DYRK1B: variants seen among roughly 807,000 people sequenced by gnomAD.
DYRK1B encodes dual specificity tyrosine-phosphorylation-regulated kinase 1B.
DYRK1B carries 20 observed loss-of-function variants against 57.1 expected under a neutral mutation model. That is an observed-to-expected ratio of 0.35 (90% CI 0.25 to 0.51). The LOEUF is 0.51. DYRK1B is among the 20% of genes least tolerant of loss of function. The pLI is 0.96. For synonymous variants in DYRK1B, 409 were observed against 384.7 expected (o/e 1.06, Z -0.74); for missense variants, 732 against 886.3 (o/e 0.83, Z 2.21).
rs187535043 is a variant in DYRK1B at position 39,831,961 on chromosome 19, G to A, written c.-94C>T. 3.2e-5 allele frequency: 45 copies of A among 1,427,784 alleles called. No individual in the cohort carries two copies. The East Asian group carries it at 1.0e-3, about 33-fold the overall frequency. 88.4% of individuals were successfully genotyped at this position (1,427,784 alleles called of 1,614,324 possible). On this transcript the variant is annotated 5_prime_UTR_variant, in exon 2 of 11. Transcript: ENST00000323039. ...ATCCTGCACCTCGGCTGCCACCGCC[G>A]CTGAGACCTGAGAGCAGACAGGAAG... is the stretch of plus-strand genomic sequence containing the variant.
chr19:39,825,493 A>T lies in DYRK1B; in HGVS notation c.*222T>A. The T allele has an allele frequency of 1.8e-6, 1 of 570,272 alleles. No individual in the cohort carries two copies. The highest frequency in any genetic ancestry group is 3.1e-6 in the Non-Finnish European group (1 of 322,410). 35.3% of individuals were successfully genotyped at this position (570,272 alleles called of 1,614,324 possible). On this transcript the variant is annotated 3_prime_UTR_variant, in exon 11 of 11. Coordinates refer to ENST00000323039, the MANE Select transcript of DYRK1B (RefSeq NM_004714.3). ...CACTGTCTTTGGTACAATAAATAGA[A>T]AAAAAGGGGGAGAGGGGCCCAAGGG...
rs1368590335 is a variant in DYRK1B, at chr19:39,828,974, T to C, written c.521-391A>G. On this transcript the variant is annotated intron_variant, in intron 5 of 10. Coordinates refer to ENST00000323039, the MANE Select transcript of DYRK1B (RefSeq NM_004714.3). This position sits in a 1 kb window ranked among gnomAD's most constrained non-coding sequence, Gnocchi z 4.3. The stretch of plus-strand genomic sequence containing the variant: ...CGAAACCATTTTAAAATCCACTTGC[T>C]GTTTATGATTATGTTGTGATGTTTA... Among the ~76,000 whole-genome samples the C allele has an allele frequency of 6.6e-6, 1 of 152,232 alleles. No individual in the cohort carries two copies.
chr19:39,827,677 A>C, intron 6 of DYRK1B, 21 bp from the exon 7 acceptor site: 2 of 1,608,184 alleles, frequency 1.2e-6, no homozygotes, highest in Non-Finnish European at 1.7e-6. Flanking sequence ...GGTAATCGTC[A>C]AGGGACCCAG....
Position 39,827,297 on chromosome 19 carries a change from T to C in DYRK1B, c.1083A>G (p.Lys361=), listed in dbSNP as rs1968587756. 3 of 1,611,334 alleles carry C rather than the reference T, an allele frequency of 1.9e-6. No individual in the cohort carries two copies. Among genetic ancestry groups the C allele is most frequent in the Admixed American group, 1.7e-5 (1 of 59,900 alleles). The change falls in exon 8 of 11, where the codon AAA becomes AAG. Residue 361 remains lysine, a synonymous_variant. Transcript: ENST00000323039. The stretch of plus-strand genomic sequence containing the variant: ...GCAGGGGCCGCACCTTCCTGAGTTC[T>C]TTCGTCCTTCGTAGGGTCCAGCCAC... ...PGGGWTLRRT[K]ELRKDYQGPG...
intron 2 of DYRK1B, among the ~76,000 whole-genome samples, chr19:39,831,002 G>C (rs1968787055): frequency 6.6e-6 from 1 of 152,212 alleles, no homozygotes; most frequent in Non-Finnish European, 1.5e-5. Flanking sequence ...GATGCTCTTA[G>C]AGATCTGTGG....
rs1968484147 is a variant in DYRK1B at position 39,825,516 on chromosome 19, G to A, written c.*199C>T. On this transcript the variant is annotated 3_prime_UTR_variant, in exon 11 of 11. Coordinates refer to ENST00000323039, the MANE Select transcript of DYRK1B (RefSeq NM_004714.3). ...GAAAAAAAGGGGGAGAGGGGCCCAA[G>A]GGTCCAGTCCTTAGTGGGGAGGGAG... 3 of 588,756 alleles carry A rather than the reference G, an allele frequency of 5.1e-6. No homozygotes were observed. The highest frequency in any genetic ancestry group is 2.1e-5 in the South Asian group (1 of 48,092). The allele number at this position is 588,756 out of a possible 1,614,324, so 36.5% of individuals were successfully genotyped here.
At chr19:39,827,201 AGGGAGAGGGAGCAGG>A (rs1189237427) in intron 8 of DYRK1B, 69 bp downstream of exon 8, 1 of 1,486,470 alleles carries the variant, frequency 6.7e-7, no homozygotes, top group Non-Finnish European at 9.1e-7. Flanking sequence ...GAAAGACACA[AGGGAGAGGGAGCAGG>A]GGGAGAGAGC....
chr19:39,829,725 G>A (rs1968717592), intron 5 of DYRK1B, 155 bp downstream of exon 5: 1 of 815,038 alleles, frequency 1.2e-6, no homozygotes, highest in Non-Finnish European at 1.8e-6. Context: ...CATAAAAGCA[G>A]CAGGAGAATC....
Position 39,825,562 on chromosome 19 carries a change from A to AC in DYRK1B, c.*152dup, listed in dbSNP as rs1432021589. 2.6e-6 allele frequency: 2 copies of AC among 755,218 alleles called. No individual in the cohort carries two copies. Among genetic ancestry groups the AC allele is most frequent in the Admixed American group, 2.9e-5 (1 of 34,752 alleles). The allele number at this position is 755,218 out of a possible 1,614,324, so 46.8% of individuals were successfully genotyped here. On this transcript the variant is annotated 3_prime_UTR_variant, in exon 11 of 11. Transcript: ENST00000323039. The stretch of plus-strand genomic sequence containing the variant: ...GGGAGCGGCCAAAACCCTCTCCTTG[A>AC]CCCCCCTGCCCCAGGCCCCAATCAG...
chr19:39,828,474 C>A lies in DYRK1B; in HGVS notation c.630G>T (p.Ser210=). Residue 210 remains serine (S), a synonymous_variant, in exon 6 of 11, where the codon TCG becomes TCT. Transcript: ENST00000323039. The surrounding 1 kb of genome is among the most constrained non-coding windows in gnomAD (Gnocchi z 4.3). ...LLRNTHFRGV[S]LNLTRKLAQQ... The stretch of plus-strand genomic sequence containing the variant: ...GCGCCAGCTTCCGGGTCAGGTTCAG[C>A]GAGACGCCGCGGAAGTGGGTGTTGC... 4 of 1,613,434 alleles carry A rather than the reference C, an allele frequency of 2.5e-6. No individual in the cohort carries two copies. Among genetic ancestry groups the A allele is most frequent in the Non-Finnish European group, 2.5e-6 (3 of 1,179,774 alleles).
chr19:39,828,179 C>T lies in DYRK1B; in HGVS notation c.807+118G>A. ...TCACACCCCCACCCCAAGCATTATC[C>T]CTCAGTTCCCACGGCTCCTAATAAT... On this transcript the variant is annotated intron_variant, in intron 6 of 10. Coordinates refer to ENST00000323039, the MANE Select transcript of DYRK1B (RefSeq NM_004714.3). This position sits in a 1 kb window ranked among gnomAD's most constrained non-coding sequence, Gnocchi z 4.3. 2 of 1,162,264 alleles carry T rather than the reference C, an allele frequency of 1.7e-6. No individual in the cohort carries two copies. Among genetic ancestry groups the T allele is most frequent in the African/African-American group, 1.5e-5 (1 of 65,658 alleles). 72.0% of individuals were successfully genotyped at this position (1,162,264 alleles called of 1,614,324 possible).
rs372159043 is a variant in DYRK1B, at chr19:39,826,256, C to T, written c.1442G>A (p.Arg481Gln). 7.0e-5 allele frequency: 111 copies of T among 1,594,180 alleles called. No homozygotes were observed. The highest frequency in any genetic ancestry group is 8.8e-5 in the Non-Finnish European group (103 of 1,172,728). Residue 481 changes from arginine (R) to glutamine (Q), a missense_variant, in exon 10 of 11, where the codon CGG (arginine) becomes CAG (glutamine). By Grantham distance (43) the Arg-to-Gln change is conservative (BLOSUM62 1). Transcript: ENST00000323039. The surrounding 1 kb of genome is among the most constrained non-coding windows in gnomAD (Gnocchi z 6.3). Reference sequence around the variant, plus strand: ...ATATCGGTTGCTGTAGCGGTAGGTCCGGTTGTCACTGGAGGAGCCACTGGA... The same window carrying T: ...ATATCGGTTGCTGTAGCGGTAGGTCTGGTTGTCACTGGAGGAGCCACTGGA... ...GGSSGSSSDN[R>Q]TYRYSNRYCG...
chr19:39,829,301 A>G (rs1968694683), intron 5 of DYRK1B, among the ~76,000 whole-genome samples: 1 of 150,102 alleles, frequency 6.7e-6, no homozygotes, highest in African/African-American at 2.5e-5. Context: ...GTCCCAGCTC[A>G]CTGTAACCTC....
Position 39,830,326 on chromosome 19 carries a change from A to C in DYRK1B, c.372+49T>G, listed in dbSNP as rs756488245. On this transcript the variant is annotated intron_variant, in intron 4 of 10. Transcript: ENST00000323039. Reference sequence around the variant, plus strand: ...AAGCCACTGAACCACTGGGTGTGTGATCAATGTTAGTGGGGCCTTGGATCA... The same window carrying C: ...AAGCCACTGAACCACTGGGTGTGTGCTCAATGTTAGTGGGGCCTTGGATCA... 4 of 1,610,624 alleles carry C rather than the reference A, an allele frequency of 2.5e-6. No individual in the cohort carries two copies. The East Asian group carries it at 6.7e-5, about 27-fold the overall frequency.
At chr19:39,830,865 C>G in intron 2 of DYRK1B, 82 bp from the exon 3 acceptor site, 1 of 1,479,660 alleles carries the variant, frequency 6.8e-7, no homozygotes. Context: ...GGGCTGCTGG[C>G]ACATCATGTA....
chr19:39,830,878 T>C (rs1440508756), intron 2 of DYRK1B, 95 bp from the exon 3 acceptor site: 2 of 1,430,248 alleles, frequency 1.4e-6, no homozygotes, highest in Admixed American at 2.4e-5. Flanking sequence ...ATCATGTATT[T>C]GGTTGCTGTC....
At position 39,828,411 on chromosome 19, in the gene DYRK1B, A is replaced by G; in HGVS notation, c.693T>C (p.Pro231=). ...LCTALLFLAT[P]ELSIIHCDLK... ...GGTCGCAGTGAATGATGCTGAGCTC[A>G]GGCGTGGCCAGAAAGAGCAGTGCCG... Residue 231 remains proline, a synonymous_variant, in exon 6 of 11, where the codon CCT becomes CCC. Transcript: ENST00000323039. The surrounding 1 kb of genome is among the most constrained non-coding windows in gnomAD (Gnocchi z 4.3). 6.2e-7 allele frequency: 1 copy of G among 1,614,046 alleles called. No individual in the cohort carries two copies. The highest frequency in any genetic ancestry group is 8.5e-7 in the Non-Finnish European group (1 of 1,179,964).
In DYRK1B at chr19:39,825,960, G is replaced by GT; in HGVS notation, c.1644_1645insA (p.Leu549ThrfsTer26). The stretch of plus-strand genomic sequence containing the variant: ...GAGGTTGGTGATGGGGGACGACCAA[G>GT]GTATCGGGGCTGGGGGGGTAACTGG... On this transcript the variant is annotated frameshift_variant, in exon 11 of 11. Transcript: ENST00000323039. LOFTEE classifies it high-confidence loss of function. 3.3e-6 allele frequency: 5 copies of GT among 1,530,228 alleles called. No homozygotes were observed. The highest frequency in any genetic ancestry group is 4.4e-6 in the Non-Finnish European group (5 of 1,141,854). 94.8% of individuals were successfully genotyped at this position (1,530,228 alleles called of 1,614,324 possible). A position where few individuals can be genotyped will look rare whatever the true frequency, so the allele number is the denominator to read the frequency against.
At chr19:39,827,706 C>A (rs748919842) in intron 6 of DYRK1B, 50 bp from the exon 7 acceptor site, 6 of 1,589,016 alleles carry the variant, frequency 3.8e-6, no homozygotes, top group Non-Finnish European at 3.4e-6. Context: ...ACTGGTCCCA[C>A]TGACACCCCC....
Sources: allele counts gnomAD v4.1 joint callset (sites outside exome capture counted in the v4.1 genomes callset), GRCh38; gene constraint gnomAD v4.1.1; non-coding constraint Gnocchi (gnomAD v3.1); transcripts MANE v1.5; gene names NCBI Gene and HGNC (gene_info 2026-07-23, HGNC 2026-07-21).